The following CNTNAP2 variants were observed in gnomAD, a reference collection of about 807,000 sequenced individuals.
CNTNAP2 encodes contactin associated protein 2.
CNTNAP2 carries 98 observed loss-of-function variants against 155.2 expected under a neutral mutation model. That is an observed-to-expected ratio of 0.63 (90% confidence interval 0.54 to 0.75). CNTNAP2 has a LOEUF of 0.75. Ranked by LOEUF, CNTNAP2 falls within the 30% of genes least tolerant of loss-of-function variation. The pLI is 0.00. For missense variants in CNTNAP2, 1,727 were observed against 1,688.1 expected (o/e 1.02, Z -0.40); for synonymous variants, 651 against 631.2 (o/e 1.03, Z -0.47).
intron 9 of CNTNAP2, among the ~76,000 whole-genome samples, chr7:147,379,929 A>G (rs9648846): frequency 0.16 from 23,547 of 151,872 alleles, 2,079 homozygotes; most frequent in East Asian, 0.35. Context: ...TTTTTTCTTG[A>G]TACCCAAAAG....
chr7:146,468,373 C>G (rs1285427633), intron 1 of CNTNAP2, among the ~76,000 whole-genome samples: 1 of 151,596 alleles, frequency 6.6e-6, no homozygotes, highest in African/African-American at 2.4e-5. Context: ...CCCCAAACCT[C>G]AGAATCATGC....
chr7:147,603,663 T>G (rs1801002242), intron 12 of CNTNAP2, among the ~76,000 whole-genome samples: 1 of 152,134 alleles, frequency 6.6e-6, no homozygotes, highest in African/African-American at 2.4e-5. Flanking sequence ...AATTTATAGA[T>G]TCAATGCCAT....
chr7:146,736,354 A>G (rs970377178), intron 1 of CNTNAP2, among the ~76,000 whole-genome samples: 1 of 152,192 alleles, frequency 6.6e-6, no homozygotes, highest in African/African-American at 2.4e-5. Flanking sequence ...TGGGAAAAAA[A>G]GACTCAGTCA....
At chr7:147,272,729 G>C (rs1404592040) in intron 8 of CNTNAP2, among the ~76,000 whole-genome samples, 1 of 150,022 alleles carries the variant, frequency 6.7e-6, no homozygotes, top group Non-Finnish European at 1.5e-5. Context: ...GGATGCTCTC[G>C]ATCTCCTGAC....
chr7:148,197,425 C>T (rs1795295308), intron 18 of CNTNAP2, among the ~76,000 whole-genome samples: 2 of 152,050 alleles, frequency 1.3e-5, no homozygotes, highest in South Asian at 2.1e-4. Flanking sequence ...TGCAGCAGTA[C>T]CCCAAAATAA....
chr7:147,806,371 G>C (rs1798090241), intron 13 of CNTNAP2, among the ~76,000 whole-genome samples: 1 of 152,096 alleles, frequency 6.6e-6, no homozygotes, highest in Non-Finnish European at 1.5e-5. Flanking sequence ...AGAGAAAGGG[G>C]AACACTTGCC....
chr7:147,525,202 G>A lies in CNTNAP2; in HGVS notation c.1778-36936G>A, dbSNP rs73461148. On this transcript the variant is annotated intron_variant, in intron 11 of 23. Transcript: ENST00000361727. Reference sequence around the variant, plus strand: ...TCTTTAAGTTGAGAATCAGAAACATGTCTTTGTTATAATAATATTGTTGAT... The same window carrying A: ...TCTTTAAGTTGAGAATCAGAAACATATCTTTGTTATAATAATATTGTTGAT... 6.7e-3 allele frequency among the ~76,000 whole-genome samples: 1,014 copies of A among 152,262 alleles called. 18 individuals carry two copies. The highest frequency in any genetic ancestry group is 0.023 in the African/African-American group (940 of 41,550).
intron 1 of CNTNAP2, among the ~76,000 whole-genome samples, chr7:146,164,217 T>C (rs1227364843): frequency 6.6e-6 from 1 of 152,092 alleles, no homozygotes; most frequent in East Asian, 1.9e-4. Context: ...ATAAATGCAG[T>C]AACATTTGCC....
At chr7:147,692,784 A>G (rs1563055063) in intron 13 of CNTNAP2, among the ~76,000 whole-genome samples, 1 of 152,050 alleles carries the variant, frequency 6.6e-6, no homozygotes, top group East Asian at 1.9e-4. Flanking sequence ...CTTTTCCTCT[A>G]GTCTTTGACT....
At chr7:146,550,103 T>G (rs980142338) in intron 1 of CNTNAP2, among the ~76,000 whole-genome samples, 2 of 152,054 alleles carry the variant, frequency 1.3e-5, no homozygotes, top group Non-Finnish European at 2.9e-5. Context: ...GGGATTAAAC[T>G]TGGATTGATT....
rs1409966965 is a variant in CNTNAP2, at chr7:148,365,713, T to C, written c.3476-17936T>C. Among the ~76,000 whole-genome samples, 159 of 61,322 alleles carry C rather than the reference T, an allele frequency of 2.6e-3. 5 individuals are homozygous for C. Among genetic ancestry groups the C allele is most frequent in the African/African-American group, 7.0e-3 (149 of 21,362 alleles). 40.2% of individuals were successfully genotyped at this position (61,322 alleles called of 152,430 possible). ...ATGTATATATGTATACTTTTATATA[T>C]ATGTATACGTGTATATATGTATGTG... is the stretch of plus-strand genomic sequence containing the variant. On this transcript the variant is annotated intron_variant, in intron 21 of 23. Coordinates refer to ENST00000361727, the MANE Select transcript of CNTNAP2 (RefSeq NM_014141.6).
rs562494839 is a variant in CNTNAP2, at chr7:147,829,561, G to A, written c.2099-74004G>A. On this transcript the variant is annotated intron_variant, in intron 13 of 23. Coordinates refer to ENST00000361727, the MANE Select transcript of CNTNAP2 (RefSeq NM_014141.6). ...AACCCTGTGAGACAGGCATTTTTCC[G>A]ATATCACAAATGCTTAAATGGAAGT... is the stretch of plus-strand genomic sequence containing the variant. Among the ~76,000 whole-genome samples, 395 of 152,148 alleles carry A rather than the reference G, an allele frequency of 2.6e-3. 1 individual carries two copies. The highest frequency in any genetic ancestry group is 7.4e-3 in the African/African-American group (307 of 41,494).
At chr7:148,237,097 C>T (rs1319715169) in intron 20 of CNTNAP2, among the ~76,000 whole-genome samples, 1 of 152,204 alleles carries the variant, frequency 6.6e-6, no homozygotes, top group Admixed American at 6.5e-5. Flanking sequence ...TCCTGCACCA[C>T]CTGCCACCTT....
At chr7:147,793,937 T>C (rs1797856234) in intron 13 of CNTNAP2, among the ~76,000 whole-genome samples, 1 of 152,048 alleles carries the variant, frequency 6.6e-6, no homozygotes, top group Non-Finnish European at 1.5e-5. Flanking sequence ...GTAAATGGAA[T>C]TTTCTCTTAG....
intron 11 of CNTNAP2, among the ~76,000 whole-genome samples, chr7:147,510,113 G>C (rs1798988017): frequency 6.6e-6 from 1 of 152,146 alleles, no homozygotes; most frequent in Non-Finnish European, 1.5e-5. Flanking sequence ...CCAGAGCAGA[G>C]GATTCGTGCC....
intron 13 of CNTNAP2, among the ~76,000 whole-genome samples, chr7:147,682,536 C>T (rs529247008): frequency 2.6e-5 from 4 of 151,966 alleles, no homozygotes; most frequent in Middle Eastern, 3.4e-3. Flanking sequence ...GTACTTTGTG[C>T]CATATAAGCT....
chr7:146,652,964 C>T (rs949106370), intron 1 of CNTNAP2, among the ~76,000 whole-genome samples: 1 of 152,080 alleles, frequency 6.6e-6, no homozygotes, highest in Non-Finnish European at 1.5e-5. Context: ...TTGAAAAAGC[C>T]TTTCCTTTTT....
At chr7:147,327,581 C>T (rs1030867134) in intron 9 of CNTNAP2, among the ~76,000 whole-genome samples, 4 of 152,176 alleles carry the variant, frequency 2.6e-5, no homozygotes, top group South Asian at 2.1e-4. Flanking sequence ...TTAGAAACCT[C>T]TAAAATGTGG....
chr7:146,913,839 T>C (rs796372772), intron 3 of CNTNAP2, among the ~76,000 whole-genome samples: 1 of 151,968 alleles, frequency 6.6e-6, no homozygotes, highest in African/African-American at 2.4e-5. Flanking sequence ...TTCTGAGATT[T>C]TGGAGCACCC....
Sources: gnomAD v4.1 joint callset for allele counts (sites outside exome capture counted in the v4.1 genomes callset) on GRCh38, gnomAD v4.1.1 for gene constraint, MANE v1.5 for transcripts, NCBI Gene and HGNC (gene_info 2026-07-23, HGNC 2026-07-21) for gene names.